Variants in SLC12A8 observed in about 807,000 individuals in gnomAD.
SLC12A8 encodes the protein cation-chloride cotransporter 9.
A neutral mutation model predicts 75.6 loss-of-function variants in SLC12A8; 69 were observed. The observed-to-expected ratio is 0.91, with a 90% CI of 0.75 to 1.11. The LOEUF is 1.11. Among genes scored for constraint, SLC12A8 ranks in the 50% most tolerant of loss-of-function variants. The pLI is 0.00. For synonymous variants in SLC12A8, 365 were observed against 372.8 expected, an observed-to-expected ratio of 0.98 and a Z score of 0.24; for missense variants, 877 against 896.7, an observed-to-expected ratio of 0.98 and a Z score of 0.28.
chr3:125,146,828 A>G (rs1933785853), intron 5 of SLC12A8, among the ~76,000 whole-genome samples: 1 of 152,192 alleles, frequency 6.6e-6, no homozygotes, highest in African/African-American at 2.4e-5. Context: ...TTTTGTAGAG[A>G]CAAGGTCTCT....
chr3:125,121,968 A>G (rs2107751820), intron 6 of SLC12A8, among the ~76,000 whole-genome samples: 1 of 152,384 alleles, frequency 6.6e-6, no homozygotes, highest in South Asian at 2.1e-4. Context: ...GATTTAGCCC[A>G]GCGTGTTTAT....
intron 5 of SLC12A8, among the ~76,000 whole-genome samples, chr3:125,143,167 T>C (rs1434453512): frequency 6.6e-6 from 1 of 152,214 alleles, no homozygotes; most frequent in Non-Finnish European, 1.5e-5. Context: ...TAACCCTAAT[T>C]GAGAGTACAG....
Position 125,172,304 on chromosome 3 carries a change from CTCTCTCTCTCTCCCTCTCCCTCTT to C in SLC12A8, c.622+5415_622+5438del, listed in dbSNP as rs1364956826. The stretch of plus-strand genomic sequence containing the variant: ...AAAAAAAAAATTCATCTTCTCTGTT[CTCTCTCTCTCTCCCTCTCCCTCTT>C]TCTCTCTCTCTCCCTGTCTGTCTCT... On this transcript the variant is annotated intron_variant, in intron 5 of 13. Transcript: ENST00000469902. Among the ~76,000 whole-genome samples the C allele has an allele frequency of 9.5e-3, 1,430 of 150,778 alleles. 20 individuals carry two copies. Among genetic ancestry groups the C allele is most frequent in the African/African-American group, 0.033 (1,371 of 41,148 alleles).
chr3:125,092,885 T>A (rs1354013108), intron 10 of SLC12A8, among the ~76,000 whole-genome samples: 2 of 152,166 alleles, frequency 1.3e-5, no homozygotes, highest in Non-Finnish European at 2.9e-5. Context: ...AAAATAATAA[T>A]AATTTTTTAA....
intron 1 of SLC12A8, among the ~76,000 whole-genome samples, chr3:125,211,918 G>A (rs1425752377): frequency 2.0e-5 from 3 of 152,100 alleles, no homozygotes; most frequent in Non-Finnish European, 4.4e-5. Context: ...GGGTGAGTGA[G>A]AAAAGGCTGG....
At chr3:125,118,572 T>C (rs1446400895) in intron 8 of SLC12A8, among the ~76,000 whole-genome samples, 197 bp downstream of exon 8, 1 of 152,252 alleles carries the variant, frequency 6.6e-6, no homozygotes, top group South Asian at 2.1e-4. Context: ...GAGGCTACAG[T>C]GGGCTGAGAT....
chr3:125,159,388 AC>A (rs377183551), intron 5 of SLC12A8, among the ~76,000 whole-genome samples: 11 of 151,634 alleles, frequency 7.3e-5, no homozygotes, highest in African/African-American at 2.4e-4. Context: ...GAGCCACCGC[AC>A]CCATTAAAGA....
chr3:125,094,399 A>G (rs1300811692), intron 10 of SLC12A8, among the ~76,000 whole-genome samples: 2 of 152,104 alleles, frequency 1.3e-5, no homozygotes, highest in African/African-American at 4.8e-5. Context: ...CAAATTTACA[A>G]GCTCTCTTCT....
chr3:125,140,749 T>C (rs953806964), intron 5 of SLC12A8, among the ~76,000 whole-genome samples: 1 of 152,004 alleles, frequency 6.6e-6, no homozygotes, highest in Non-Finnish European at 1.5e-5. Flanking sequence ...AGGCAGGGTC[T>C]CGCTCTATCA....
chr3:125,107,054 C>T (rs985200856), intron 10 of SLC12A8, among the ~76,000 whole-genome samples: 2 of 152,280 alleles, frequency 1.3e-5, no homozygotes, highest in African/African-American at 4.8e-5. Context: ...CACCTTCTGT[C>T]CATCCCCTCT....
chr3:125,186,901 G>C lies in SLC12A8; in HGVS notation c.390+336C>G, dbSNP rs138716172. Among the ~76,000 whole-genome samples the C allele has an allele frequency of 2.1e-3, 326 of 151,996 alleles. 2 individuals are homozygous for C. Among genetic ancestry groups the C allele is most frequent in the African/African-American group, 7.5e-3 (312 of 41,572 alleles). On this transcript the variant is annotated intron_variant, in intron 4 of 13. Coordinates refer to ENST00000469902, the MANE Select transcript of SLC12A8 (RefSeq NM_024628.6). ...AAGCGTCCCAGGGCCCAGGCCACCT[G>C]GCTGCCACCTGGCTGCCACCTGGGC...
chr3:125,088,154 C>T (rs113981338), intron 13 of SLC12A8, 156 bp downstream of exon 13: 41 of 652,478 alleles, frequency 6.3e-5, no homozygotes, highest in Middle Eastern at 4.2e-4. Flanking sequence ...GTGGAGTGCA[C>T]GCAGGAGCAA....
chr3:125,098,508 G>GA (rs1938775343), intron 10 of SLC12A8, among the ~76,000 whole-genome samples: 1 of 151,546 alleles, frequency 6.6e-6, no homozygotes, highest in South Asian at 2.1e-4. Flanking sequence ...CAATGAACCA[G>GA]AGGGACTTCT....
At chr3:125,200,212 G>T (rs1227253242) in intron 2 of SLC12A8, among the ~76,000 whole-genome samples, 1 of 152,192 alleles carries the variant, frequency 6.6e-6, no homozygotes, top group Non-Finnish European at 1.5e-5. Context: ...ACTTTGGGAG[G>T]CCCAGGCAGG....
At chr3:125,139,904 T>C (rs551876621) in intron 5 of SLC12A8, among the ~76,000 whole-genome samples, 1 of 152,330 alleles carries the variant, frequency 6.6e-6, no homozygotes, top group East Asian at 1.9e-4. Context: ...ACATTTTGCA[T>C]ACCATTTTGG....
chr3:125,124,349 T>C (rs746568128), intron 6 of SLC12A8, among the ~76,000 whole-genome samples: 4 of 152,096 alleles, frequency 2.6e-5, no homozygotes, highest in Non-Finnish European at 4.4e-5. Context: ...TTTTTTGAGA[T>C]GGAGTTTCCC....
At chr3:125,120,453 C>T (rs1933026113) in intron 7 of SLC12A8, 146 bp downstream of exon 7, 1 of 717,896 alleles carries the variant, frequency 1.4e-6, no homozygotes, top group African/African-American at 1.8e-5. Flanking sequence ...ATTTTCCAGC[C>T]CACCGAGTGT....
At chr3:125,150,860 C>T (rs1192933967) in intron 5 of SLC12A8, among the ~76,000 whole-genome samples, 2 of 152,128 alleles carry the variant, frequency 1.3e-5, no homozygotes, top group Non-Finnish European at 2.9e-5. Flanking sequence ...CTTCCAAGGG[C>T]CTCGAAGACA....
rs1938386186 is a variant in SLC12A8, at chr3:125,083,721, C to CAAAGAAAAAAAAA, written c.*168_*169insTTTTTTTTTCTTT. ...TGGGTGACAGGGCGAGACTCTGTCT[C>CAAAGAAAAAAAAA]AAAAAAAAAAAAAAAGGGAAAAGAA... On this transcript the variant is annotated 3_prime_UTR_variant, in exon 14 of 14. Transcript: ENST00000469902. 1.9e-6 allele frequency: 1 copy of CAAAGAAAAAAAAA among 518,140 alleles called. No individual in the cohort carries two copies. 32.1% of individuals were successfully genotyped at this position (518,140 alleles called of 1,614,324 possible). A position where few individuals can be genotyped will look rare whatever the true frequency, so the allele number is the denominator to read the frequency against.
Sources: allele counts gnomAD v4.1 joint callset (sites outside exome capture counted in the v4.1 genomes callset), GRCh38; gene constraint gnomAD v4.1.1; transcripts MANE v1.5; gene names NCBI Gene and HGNC (gene_info 2026-07-23, HGNC 2026-07-21).